Variants in BASP1 observed in about 807,000 individuals in gnomAD.
The protein encoded by BASP1 is brain acid soluble protein 1.
BASP1 carries 1 observed loss-of-function variant against 2.2 expected under a neutral mutation model. The observed-to-expected ratio is 0.46, with a 90% confidence interval of 0.16 to 2.17. The LOEUF (loss-of-function observed/expected upper bound fraction) is 2.17, where lower values mean the gene tolerates loss of function less well. Among genes scored for constraint, BASP1 ranks in the 30% most tolerant of loss-of-function variants. The probability of loss-of-function intolerance (pLI) is 0.27; values close to 1 mark genes in which losing one functional copy is unlikely to be tolerated. For missense variants in BASP1, 352 were observed against 327.2 expected, an observed-to-expected ratio of 1.08 and a Z score of -0.58; for synonymous variants, 187 against 154.2, an observed-to-expected ratio of 1.21 and a Z score of -1.58.
intron 1 of BASP1, among the ~76,000 whole-genome samples, chr5:17,271,580 G>A (rs1042449597): frequency 1.3e-5 from 2 of 152,216 alleles, no homozygotes; most frequent in African/African-American, 4.8e-5. Flanking sequence ...GAATTTCCTA[G>A]TTGTGGAGAA....
chr5:17,275,315 G>A lies in BASP1; in HGVS notation c.99G>A (p.Glu33=), dbSNP rs1308839012. 1.9e-6 allele frequency: 3 copies of A among 1,613,160 alleles called. No homozygotes were observed. The highest frequency in any genetic ancestry group is 1.7e-5 in the Admixed American group (1 of 59,908). ...DKKAEGAATE[E]EGTPKESEPQ... ...AGGCCGAGGGCGCGGCGACGGAAGA[G>A]GAGGGGACCCCGAAGGAGAGTGAGC... The change falls in exon 2 of 2, where the codon GAG becomes GAA. Residue 33 remains glutamate, a synonymous_variant. Transcript: ENST00000322611. This position sits in a 1 kb window ranked among gnomAD's most constrained non-coding sequence, Gnocchi z 5.3.
At chr5:17,231,569 C>T (rs1244590085) in intron 1 of BASP1, among the ~76,000 whole-genome samples, 1 of 152,178 alleles carries the variant, frequency 6.6e-6, no homozygotes, top group East Asian at 1.9e-4. Context: ...CCAACAGGCT[C>T]CCAGGTCTCC....
At chr5:17,259,682 C>T (rs1026868779) in intron 1 of BASP1, among the ~76,000 whole-genome samples, 2 of 152,048 alleles carry the variant, frequency 1.3e-5, no homozygotes, top group African/African-American at 4.8e-5. Flanking sequence ...TGTGAACCAG[C>T]CCTTTATTTT....
intron 1 of BASP1, among the ~76,000 whole-genome samples, chr5:17,238,057 G>T (rs1739785350): frequency 6.6e-6 from 1 of 151,838 alleles, no homozygotes; most frequent in African/African-American, 2.4e-5. Flanking sequence ...CTCTCTTTTG[G>T]ATGGATATAC....
At chr5:17,245,561 C>G (rs1474187700) in intron 1 of BASP1, among the ~76,000 whole-genome samples, 1 of 151,944 alleles carries the variant, frequency 6.6e-6, no homozygotes, top group Non-Finnish European at 1.5e-5. Context: ...AATAAACACT[C>G]TTACCTCAGC....
intron 1 of BASP1, among the ~76,000 whole-genome samples, chr5:17,263,550 G>A (rs1177881917): frequency 2.0e-5 from 3 of 152,202 alleles, no homozygotes; most frequent in Non-Finnish European, 4.4e-5. Flanking sequence ...AAGACCCTGT[G>A]CCAGTGCATC....
chr5:17,230,038 T>C (rs6882069), intron 1 of BASP1, among the ~76,000 whole-genome samples: 55,618 of 151,954 alleles, frequency 0.37, 10,573 homozygotes, highest in African/African-American at 0.45. Flanking sequence ...AGGCATGAGC[T>C]ACCGCACCTG....
chr5:17,227,221 A>G (rs1055784741), intron 1 of BASP1, among the ~76,000 whole-genome samples: 12 of 126,984 alleles, frequency 9.5e-5, no homozygotes, highest in Admixed American at 4.3e-4. Context: ...GAGCCACCGC[A>G]CCCGTCCTTT....
chr5:17,276,743 A>C lies in BASP1; in HGVS notation c.*843A>C, dbSNP rs1321871027. On this transcript the variant is annotated 3_prime_UTR_variant, in exon 2 of 2. Transcript: ENST00000322611. ...TTGGAAAATGGAAAAAAAAAACAAA[A>C]AAAAAACAAAAAAATGTACAATGGA... The C allele has an allele frequency of 1.2e-5, 2 of 166,346 alleles. No individual in the cohort carries two copies. The highest frequency in any genetic ancestry group is 2.9e-5 in the Non-Finnish European group (2 of 67,952). The allele number at this position is 166,346 out of a possible 1,614,324, so 10.3% of individuals were successfully genotyped here. A position where few individuals can be genotyped will look rare whatever the true frequency, so the allele number is the denominator to read the frequency against.
chr5:17,275,902 A>G lies in BASP1; in HGVS notation c.*2A>G. The G allele has an allele frequency of 6.3e-7, 1 of 1,582,474 alleles. No individual in the cohort carries two copies. Among genetic ancestry groups the G allele is most frequent in the Non-Finnish European group, 8.6e-7 (1 of 1,166,670 alleles). On this transcript the variant is annotated 3_prime_UTR_variant, in exon 2 of 2. Transcript: ENST00000322611. The surrounding 1 kb of genome is among the most constrained non-coding windows in gnomAD (Gnocchi z 5.3). The stretch of plus-strand genomic sequence containing the variant: ...CAAACCGTAACCGTGAAAGAGTGAC[A>G]AGGACAGCCTATAGGAAAAACAATA...
rs779760688 is a variant in BASP1, at chr5:17,275,440, C to T, written c.224C>T (p.Ala75Val). 1.0e-5 allele frequency: 16 copies of T among 1,526,316 alleles called. No homozygotes were observed. The highest frequency in any genetic ancestry group is 1.2e-5 in the South Asian group (1 of 81,196). The allele number at this position is 1,526,316 out of a possible 1,614,324, so 94.5% of individuals were successfully genotyped here. The change falls in exon 2 of 2, where the codon GCG (alanine) becomes GTG (valine). Residue 75 changes from alanine to valine, a missense_variant. Physicochemically the swap from Ala to Val is moderately conservative, Grantham distance 64. Coordinates refer to ENST00000322611, the MANE Select transcript of BASP1 (RefSeq NM_006317.5). This position sits in a 1 kb window ranked among gnomAD's most constrained non-coding sequence, Gnocchi z 5.3. ...GAGGAGAAGGAGGGCGAGAAGGACG[C>T]GGCGGCTGCCAAGGAGGAGGCCCCG... is the stretch of plus-strand genomic sequence containing the variant. ...KAEEKEGEKD[A>V]AAAKEEAPKA...
At chr5:17,257,251 A>G (rs1192138546) in intron 1 of BASP1, among the ~76,000 whole-genome samples, 1 of 152,340 alleles carries the variant, frequency 6.6e-6, no homozygotes, top group South Asian at 2.1e-4. Flanking sequence ...CTTAGAATCT[A>G]CAGATTATAT....
intron 1 of BASP1, among the ~76,000 whole-genome samples, chr5:17,226,846 A>G (rs1002432209): frequency 2.6e-5 from 4 of 152,170 alleles, no homozygotes; most frequent in African/African-American, 9.7e-5. Context: ...GGGTGAGGTT[A>G]GATGATCACC....
In BASP1 at chr5:17,275,462, C is replaced by T. The variant is rs772455497; in HGVS notation, c.246C>T (p.Ala82=). The T allele has an allele frequency of 2.0e-6, 3 of 1,504,122 alleles. No individual in the cohort carries two copies. In the African/African-American group the frequency reaches 4.2e-5, roughly 21 times the overall value. The allele number at this position is 1,504,122 out of a possible 1,614,324, so 93.2% of individuals were successfully genotyped here. ...ACGCGGCGGCTGCCAAGGAGGAGGC[C>T]CCGAAGGCGGAGCCCGAGAAGACGG... ...EKDAAAAKEE[A]PKAEPEKTEG... The change falls in exon 2 of 2, where the codon GCC becomes GCT. Residue 82 remains alanine (A), a synonymous_variant. Coordinates refer to ENST00000322611, the MANE Select transcript of BASP1 (RefSeq NM_006317.5). The surrounding 1 kb of genome is among the most constrained non-coding windows in gnomAD (Gnocchi z 5.3).
chr5:17,220,244 G>C (rs975661853), intron 1 of BASP1, among the ~76,000 whole-genome samples: 1 of 152,130 alleles, frequency 6.6e-6, no homozygotes, highest in African/African-American at 2.4e-5. Flanking sequence ...GGCTACGGTG[G>C]CTGTCTAGCT....
At position 17,275,962 on chromosome 5, in the gene BASP1, TC is replaced by T; in HGVS notation, c.*63del. The T allele has an allele frequency of 5.0e-5, 68 of 1,356,242 alleles. No individual in the cohort carries two copies. The highest frequency in any genetic ancestry group is 6.6e-5 in the Non-Finnish European group (67 of 1,016,810). The allele number at this position is 1,356,242 out of a possible 1,614,324, so 84.0% of individuals were successfully genotyped here. On this transcript the variant is annotated 3_prime_UTR_variant, in exon 2 of 2. Coordinates refer to ENST00000322611, the MANE Select transcript of BASP1 (RefSeq NM_006317.5). The surrounding 1 kb of genome is among the most constrained non-coding windows in gnomAD (Gnocchi z 5.3). ...ACAATCTCCTCTCTCTCTCTCTCTC[TC>T]TCTCTCTATCTCTCTCTCTATCTCC...
At chr5:17,232,584 T>TGGAA (rs1333036548) in intron 1 of BASP1, among the ~76,000 whole-genome samples, 1 of 152,222 alleles carries the variant, frequency 6.6e-6, no homozygotes, top group African/African-American at 2.4e-5. Context: ...GCTGGATACG[T>TGGAA]GGAAGGGCAT....
intron 1 of BASP1, among the ~76,000 whole-genome samples, chr5:17,225,099 C>T (rs142145934): frequency 5.9e-5 from 9 of 152,336 alleles, no homozygotes; most frequent in African/African-American, 1.9e-4. Flanking sequence ...CAGAGTCCCA[C>T]GAGCTGCTTA....
intron 1 of BASP1, among the ~76,000 whole-genome samples, chr5:17,263,987 G>T (rs1500508): frequency 6.6e-6 from 1 of 151,920 alleles, no homozygotes; most frequent in South Asian, 2.1e-4. Flanking sequence ...ATCAGACACC[G>T]ACAACAATAA....
Sources: gnomAD v4.1 joint callset for allele counts (sites outside exome capture counted in the v4.1 genomes callset) on GRCh38, gnomAD v4.1.1 for gene constraint, Gnocchi (gnomAD v3.1) non-coding constraint, MANE v1.5 for transcripts, NCBI Gene and HGNC (gene_info 2026-07-23, HGNC 2026-07-21) for gene names.